NKAIN3: variants seen among roughly 807,000 people sequenced by gnomAD.
NKAIN3 encodes the protein sodium/potassium-transporting ATPase subunit beta-1-interacting protein 3.
In NKAIN3, 25 loss-of-function variants were observed where a neutral mutation model predicts 30.2. The observed-to-expected ratio is 0.83, with a 90% CI of 0.60 to 1.16. The LOEUF (loss-of-function observed/expected upper bound fraction) is 1.16, where lower values mean the gene tolerates loss of function less well. Ranked by LOEUF, NKAIN3 falls within the 50% of genes most tolerant of loss-of-function variation. The probability of loss-of-function intolerance (pLI) is 0.00; values close to 1 mark genes in which losing one functional copy is unlikely to be tolerated. For missense variants in NKAIN3, 225 were observed against 254.1 expected (o/e 0.89, Z 0.78); for synonymous variants, 91 against 89.6 (o/e 1.02, Z -0.09).
chr8:62,625,229 T>A (rs2130244710), intron 3 of NKAIN3, among the ~76,000 whole-genome samples: 1 of 152,226 alleles, frequency 6.6e-6, no homozygotes, highest in African/African-American at 2.4e-5. Context: ...TGGTAAGGTG[T>A]AGGAGCAGGG....
chr8:62,861,414 C>G (rs1820235286), intron 4 of NKAIN3, among the ~76,000 whole-genome samples: 1 of 152,142 alleles, frequency 6.6e-6, no homozygotes. Flanking sequence ...TGCATACTAC[C>G]TAGTCCCTCA....
At chr8:62,668,618 A>T (rs1395884600) in intron 3 of NKAIN3, among the ~76,000 whole-genome samples, 2 of 152,192 alleles carry the variant, frequency 1.3e-5, no homozygotes, top group African/African-American at 4.8e-5. Flanking sequence ...ACACGTCTAG[A>T]ATAAAAATTA....
chr8:62,965,515 T>C lies in NKAIN3; in HGVS notation c.*108T>C. The stretch of plus-strand genomic sequence containing the variant: ...CTTTCCCACGAATCATGGAGCATTT[T>C]GGTCACAGCCTTTGTATTATTAGCA... On this transcript the variant is annotated 3_prime_UTR_variant, in exon 7 of 7. Transcript: ENST00000623646. 1.0e-6 allele frequency: 1 copy of C among 985,576 alleles called. No homozygotes were observed. The highest frequency in any genetic ancestry group is 1.2e-6 in the Non-Finnish European group (1 of 829,894). The allele number at this position is 985,576 out of a possible 1,614,324, so 61.1% of individuals were successfully genotyped here.
chr8:62,756,165 T>C (rs1816446639), intron 4 of NKAIN3, among the ~76,000 whole-genome samples: 1 of 152,208 alleles, frequency 6.6e-6, no homozygotes, highest in Admixed American at 6.5e-5. Flanking sequence ...CACAGATATG[T>C]GCAACCATCA....
chr8:62,349,582 G>A (rs1816118492), intron 1 of NKAIN3, among the ~76,000 whole-genome samples: 1 of 152,104 alleles, frequency 6.6e-6, no homozygotes, highest in African/African-American at 2.4e-5. Context: ...AATTTGCTGT[G>A]GGTACAGACA....
intron 1 of NKAIN3, among the ~76,000 whole-genome samples, chr8:62,450,647 C>T (rs912510404): frequency 2.0e-5 from 3 of 152,156 alleles, no homozygotes; most frequent in Admixed American, 6.6e-5. Context: ...TCAAATCACA[C>T]AGCCAGTTGA....
chr8:62,795,125 C>T (rs1369189114), intron 4 of NKAIN3, among the ~76,000 whole-genome samples: 9 of 152,080 alleles, frequency 5.9e-5, no homozygotes, highest in Admixed American at 1.3e-4. Flanking sequence ...GTCTGAGTAC[C>T]GCTTATTTAG....
intron 4 of NKAIN3, among the ~76,000 whole-genome samples, chr8:62,755,065 T>C (rs1240277200): frequency 6.6e-6 from 1 of 152,250 alleles, no homozygotes; most frequent in Non-Finnish European, 1.5e-5. Context: ...TTGGAGCTGA[T>C]CTCTGTGCTT....
chr8:62,267,071 C>T (rs1245779141), intron 1 of NKAIN3, among the ~76,000 whole-genome samples: 1 of 152,200 alleles, frequency 6.6e-6, no homozygotes, highest in African/African-American at 2.4e-5. Flanking sequence ...AGTTATGGGG[C>T]GCATCTGCCC....
At chr8:62,379,466 C>T (rs1044213759) in intron 1 of NKAIN3, among the ~76,000 whole-genome samples, 9 of 152,160 alleles carry the variant, frequency 5.9e-5, no homozygotes, top group African/African-American at 2.2e-4. Flanking sequence ...ACTCAAATCT[C>T]ATCTTGAATT....
intron 1 of NKAIN3, among the ~76,000 whole-genome samples, chr8:62,302,109 C>T (rs1472818015): frequency 2.6e-5 from 4 of 152,084 alleles, no homozygotes; most frequent in Non-Finnish European, 5.9e-5. Flanking sequence ...GAACTGCCTC[C>T]TTACATGTTC....
At chr8:62,826,290 G>A (rs1457892926) in intron 4 of NKAIN3, among the ~76,000 whole-genome samples, 1 of 152,144 alleles carries the variant, frequency 6.6e-6, no homozygotes, top group Non-Finnish European at 1.5e-5. Context: ...GTGTTTGTGT[G>A]TGTGTGTATT....
At chr8:62,749,652 C>A (rs1191263846) in intron 4 of NKAIN3, among the ~76,000 whole-genome samples, 2 of 139,100 alleles carry the variant, frequency 1.4e-5, no homozygotes, top group Non-Finnish European at 3.2e-5. Flanking sequence ...ATTATGTATA[C>A]TTATTAGAAT....
chr8:62,876,495 T>G (rs1337687575), intron 4 of NKAIN3, among the ~76,000 whole-genome samples: 1 of 152,182 alleles, frequency 6.6e-6, no homozygotes, highest in Non-Finnish European at 1.5e-5. Flanking sequence ...GTCATTCTAC[T>G]ATAAAGACAC....
intron 6 of NKAIN3, among the ~76,000 whole-genome samples, chr8:62,958,574 A>G (rs1240952439): frequency 6.6e-6 from 1 of 152,198 alleles, no homozygotes; most frequent in Non-Finnish European, 1.5e-5. Flanking sequence ...CCTACACATC[A>G]GCTTACAGTA....
chr8:62,461,837 C>A (rs1208002550), intron 1 of NKAIN3, among the ~76,000 whole-genome samples: 4 of 152,122 alleles, frequency 2.6e-5, no homozygotes, highest in Admixed American at 6.5e-5. Flanking sequence ...AATTGTCAAG[C>A]AGACCTTGCT....
chr8:62,595,157 T>A (rs1448503364), intron 3 of NKAIN3, among the ~76,000 whole-genome samples: 1 of 151,996 alleles, frequency 6.6e-6, no homozygotes, highest in Non-Finnish European at 1.5e-5. Flanking sequence ...TTTATGTTGT[T>A]ACTAAAGTCA....
At chr8:62,669,046 C>T (rs1411549157) in intron 3 of NKAIN3, among the ~76,000 whole-genome samples, 1 of 152,148 alleles carries the variant, frequency 6.6e-6, no homozygotes, top group African/African-American at 2.4e-5. Context: ...CAAGATGTCC[C>T]TGGTCATCTA....
chr8:62,449,800 C>T (rs1805587583), intron 1 of NKAIN3, among the ~76,000 whole-genome samples: 1 of 152,102 alleles, frequency 6.6e-6, no homozygotes, highest in Non-Finnish European at 1.5e-5. Context: ...GAATTTCATA[C>T]ATTACACTTC....
Sources: allele counts gnomAD v4.1 joint callset (sites outside exome capture counted in the v4.1 genomes callset), GRCh38; gene constraint gnomAD v4.1.1; transcripts MANE v1.5; gene names NCBI Gene and HGNC (gene_info 2026-07-23, HGNC 2026-07-21).